The following GPHN variants were observed in gnomAD, a reference collection of about 807,000 sequenced individuals.
The protein encoded by GPHN is gephyrin.
Under a neutral mutation model 95.5 loss-of-function variants are expected in GPHN, and 17 were observed. That is an observed-to-expected ratio of 0.18 (90% confidence interval 0.12 to 0.27). The LOEUF (loss-of-function observed/expected upper bound fraction) is 0.27. Ranked by LOEUF, GPHN falls within the 10% of genes least tolerant of loss-of-function variation. The pLI, the probability that GPHN is intolerant of heterozygous loss-of-function variation, is 1.00. For synonymous variants in GPHN, 320 were observed against 322.5 expected, an observed-to-expected ratio of 0.99 and a Z score of 0.08; for missense variants, 660 against 978.1, an observed-to-expected ratio of 0.67 and a Z score of 4.34.
chr14:66,549,008 A>G (rs1368712142), intron 1 of GPHN, among the ~76,000 whole-genome samples: 4 of 152,104 alleles, frequency 2.6e-5, no homozygotes, highest in Non-Finnish European at 2.9e-5. Flanking sequence ...ACGTGCTCTC[A>G]TTTTATTGGT....
chr14:67,523,464 GT>G, the GPHN span, among the ~76,000 whole-genome samples: 2 of 152,218 alleles, frequency 1.3e-5, no homozygotes, highest in African/African-American at 4.8e-5. Context: ...TACAGGTAGG[GT>G]TATACAGGTA....
In GPHN at chr14:66,774,185, G is replaced by C. The variant is rs1262220247; in HGVS notation, c.144-2279G>C. ...ACCCGGCTACTTTTTTGTATTTTTA[G>C]TAGAGATAGGGTTTCACCATGTTAG... On this transcript the variant is annotated intron_variant, in intron 2 of 22. Coordinates refer to ENST00000478722, the MANE Select transcript of GPHN (RefSeq NM_020806.5). 2.6e-5 allele frequency among the ~76,000 whole-genome samples: 4 copies of C among 151,522 alleles called. No individual in the cohort carries two copies. In the East Asian group the frequency reaches 7.8e-4, roughly 30 times the overall value.
chr14:67,718,268 C>A, the GPHN span, among the ~76,000 whole-genome samples: 1 of 151,940 alleles, frequency 6.6e-6, no homozygotes, highest in Non-Finnish European at 1.5e-5. Context: ...CATCTGGCTT[C>A]CAAAATATGT....
chr14:66,960,129 C>T (rs1485076951), intron 8 of GPHN, among the ~76,000 whole-genome samples: 1 of 151,898 alleles, frequency 6.6e-6, no homozygotes, highest in Non-Finnish European at 1.5e-5. Flanking sequence ...GGTGAGGCAT[C>T]ATTCTTGTTC....
chr14:66,749,618 T>C (rs552889364), intron 2 of GPHN, among the ~76,000 whole-genome samples: 41 of 152,096 alleles, frequency 2.7e-4, no homozygotes, highest in Non-Finnish European at 5.6e-4. Flanking sequence ...CTTTTCACAT[T>C]ATTATTTGTC....
the GPHN span, among the ~76,000 whole-genome samples, chr14:67,721,286 C>T: frequency 2.6e-5 from 4 of 152,094 alleles, no homozygotes; most frequent in Non-Finnish European, 5.9e-5. Context: ...TCCCACTTAC[C>T]CTTCTCCCAT....
chr14:67,546,198 G>A, the GPHN span, among the ~76,000 whole-genome samples: 2 of 152,102 alleles, frequency 1.3e-5, no homozygotes, highest in South Asian at 4.1e-4. Flanking sequence ...TCAACGCCGG[G>A]GGAAGGGGGT....
the GPHN span, among the ~76,000 whole-genome samples, chr14:67,230,152 A>T: frequency 1.3e-5 from 2 of 152,320 alleles, no homozygotes; most frequent in South Asian, 4.1e-4. Context: ...TAATAAATTG[A>T]TTCTTACAGG....
At chr14:67,036,501 G>GCGCACACACACACA (rs1555469785) in intron 10 of GPHN, among the ~76,000 whole-genome samples, 3 of 118,148 alleles carry the variant, frequency 2.5e-5, no homozygotes, top group African/African-American at 1.2e-4. Context: ...ATACATACAT[G>GCGCACACACACACA]CACACACACA....
At chr14:66,619,828 G>A (rs926544662) in intron 1 of GPHN, among the ~76,000 whole-genome samples, 15 of 152,026 alleles carry the variant, frequency 9.9e-5, no homozygotes, top group African/African-American at 3.6e-4. Flanking sequence ...TTTGTATATT[G>A]ACCTGGTATT....
chr14:67,389,996 T>C, the GPHN span, among the ~76,000 whole-genome samples: 1 of 151,930 alleles, frequency 6.6e-6, no homozygotes, highest in African/African-American at 2.4e-5. Context: ...TGAAGCTCAG[T>C]GAGGAAGGAA....
chr14:66,869,699 TAAG>T (rs1170216310), intron 4 of GPHN, among the ~76,000 whole-genome samples: 2 of 152,204 alleles, frequency 1.3e-5, no homozygotes, highest in Non-Finnish European at 2.9e-5. Context: ...TGCAAGGATG[TAAG>T]AAGAATTGGA....
chr14:66,739,122 T>C (rs190190529), intron 2 of GPHN, among the ~76,000 whole-genome samples: 14 of 151,916 alleles, frequency 9.2e-5, no homozygotes, highest in African/African-American at 3.1e-4. Flanking sequence ...GAAAAGTATC[T>C]GAGAAATTAT....
chr14:66,857,284 G>A (rs943161744), intron 4 of GPHN, among the ~76,000 whole-genome samples: 1 of 152,138 alleles, frequency 6.6e-6, no homozygotes, highest in Non-Finnish European at 1.5e-5. Flanking sequence ...AAGAGATAAT[G>A]ACTATAAAGT....
At chr14:67,051,193 C>G (rs2075291215) in intron 10 of GPHN, among the ~76,000 whole-genome samples, 1 of 149,120 alleles carries the variant, frequency 6.7e-6, no homozygotes, top group Admixed American at 6.7e-5. Context: ...GCTGCCAAGA[C>G]AACTGAGCTC....
the GPHN span, among the ~76,000 whole-genome samples, chr14:67,274,181 T>A: frequency 2.4e-4 from 36 of 152,158 alleles, 1 homozygote; most frequent in Non-Finnish European, 1.3e-4. Context: ...GGTGTTTTAG[T>A]CATGAAGTCC....
chr14:66,976,400 G>T (rs1229569651), intron 9 of GPHN, among the ~76,000 whole-genome samples: 1 of 152,074 alleles, frequency 6.6e-6, no homozygotes, highest in Non-Finnish European at 1.5e-5. Flanking sequence ...AATATAAGTG[G>T]TCCGTCCTAT....
the GPHN span, chr14:67,647,386 T>C: frequency 1.1e-5 from 2 of 184,620 alleles, no homozygotes; most frequent in Non-Finnish European, 2.2e-5. Flanking sequence ...TGTAGAAAGA[T>C]GGCAGATGAA....
At chr14:66,878,213 C>CA (rs2063757637) in intron 4 of GPHN, among the ~76,000 whole-genome samples, 1 of 152,076 alleles carries the variant, frequency 6.6e-6, no homozygotes, top group South Asian at 2.1e-4. Flanking sequence ...ACACCTTATA[C>CA]AAAAATTAAC....
Sources: gnomAD v4.1 joint callset for allele counts (sites outside exome capture counted in the v4.1 genomes callset) on GRCh38, gnomAD v4.1.1 for gene constraint, MANE v1.5 for transcripts, NCBI Gene and HGNC (gene_info 2026-07-23, HGNC 2026-07-21) for gene names.